Variants in NCAPH observed in about 807,000 individuals in gnomAD.
The protein encoded by NCAPH is condensin complex subunit 2.
Under a neutral mutation model 85.5 loss-of-function variants are expected in NCAPH, and 38 were observed. The ratio of observed to expected loss-of-function variants is 0.44; its 90% CI spans 0.34 to 0.58. The LOEUF is 0.58. NCAPH is among the 20% of genes least tolerant of loss of function. The pLI is 0.01. For synonymous variants in NCAPH, 301 were observed against 335.1 expected (o/e 0.90, Z 1.11); for missense variants, 789 against 916.6 (o/e 0.86, Z 1.80).
At chr2:96,348,283 G>A (rs1021476854) in intron 6 of NCAPH, among the ~76,000 whole-genome samples, 1 of 149,024 alleles carries the variant, frequency 6.7e-6, no homozygotes, top group Non-Finnish European at 1.5e-5. Context: ...TCCACCTCCC[G>A]GGTTCACGCC....
chr2:96,353,093 G>A (rs1305571517), intron 7 of NCAPH, among the ~76,000 whole-genome samples: 2 of 152,210 alleles, frequency 1.3e-5, no homozygotes, highest in African/African-American at 4.8e-5. Context: ...TCACTCCAGC[G>A]TGGGTGTGGC....
intron 10 of NCAPH, 84 bp from the exon 11 acceptor site, chr2:96,360,059 A>G: frequency 2.5e-6 from 2 of 801,960 alleles, no homozygotes; most frequent in Non-Finnish European, 2.1e-6. Flanking sequence ...ATAAGCCTTG[A>G]TAAGGCTGTC....
At chr2:96,343,725 G>A (rs540787125) in intron 5 of NCAPH, among the ~76,000 whole-genome samples, 54 of 148,852 alleles carry the variant, frequency 3.6e-4, no homozygotes, top group Non-Finnish European at 7.0e-4. Context: ...TTTTTGAAAC[G>A]AGGCTCACTT....
chr2:96,371,761 G>T (rs1205887305), intron 17 of NCAPH, among the ~76,000 whole-genome samples: 1 of 152,120 alleles, frequency 6.6e-6, no homozygotes, highest in Non-Finnish European at 1.5e-5. Context: ...TAATCTACAG[G>T]GATCTGTGAT....
At chr2:96,350,817 G>A (rs140516362) in intron 6 of NCAPH, among the ~76,000 whole-genome samples, 14 of 152,120 alleles carry the variant, frequency 9.2e-5, no homozygotes, top group African/African-American at 3.1e-4. Flanking sequence ...TAGTAGCCAC[G>A]TTCTGAGGCA....
intron 10 of NCAPH, 84 bp downstream of exon 10, chr2:96,359,277 C>T: frequency 6.6e-6 from 10 of 1,510,514 alleles, no homozygotes; most frequent in Non-Finnish European, 9.1e-6. Flanking sequence ...AAAGAAATGC[C>T]AGTCACAGCC....
At position 96,341,792 on chromosome 2, in the gene NCAPH, A is replaced by G; in HGVS notation, c.170A>G (p.Gln57Arg). The G allele has an allele frequency of 6.2e-7, 1 of 1,614,162 alleles. No individual in the cohort carries two copies. Among genetic ancestry groups the G allele is most frequent in the Non-Finnish European group, 8.5e-7 (1 of 1,180,030 alleles). ...PGTPVLEDFP[Q>R]NDDEKERLQR... ...ACCCCAGTCCTCGAAGACTTTCCTC[A>G]GAATGACGATGAGAAGGAGCGGCTG... The change falls in exon 2 of 18, where the codon CAG becomes CGG. Residue 57 changes from glutamine (Q) to arginine (R), a missense_variant. Physicochemically the swap from Gln to Arg is conservative, Grantham distance 43. Transcript: ENST00000240423.
intron 1 of NCAPH, among the ~76,000 whole-genome samples, chr2:96,338,420 A>G (rs2064245158): frequency 6.6e-6 from 1 of 152,086 alleles, no homozygotes; most frequent in South Asian, 2.1e-4. Flanking sequence ...TGTTCAGCAA[A>G]TTTTACCTTT....
At chr2:96,351,765 A>T in intron 6 of NCAPH, 66 bp from the exon 7 acceptor site, 2 of 1,406,532 alleles carry the variant, frequency 1.4e-6, no homozygotes, top group Non-Finnish European at 1.9e-6. Context: ...GGCCAAATGC[A>T]TGAGAATTTA....
chr2:96,338,262 AAG>A (rs1491259652), intron 1 of NCAPH, among the ~76,000 whole-genome samples: 9 of 150,224 alleles, frequency 6.0e-5, no homozygotes, highest in Non-Finnish European at 1.3e-4. Flanking sequence ...AAAAAAAAAA[AAG>A]CAAACAAAAA....
chr2:96,336,153 C>T (rs939600846), intron 1 of NCAPH, among the ~76,000 whole-genome samples: 9 of 152,172 alleles, frequency 5.9e-5, no homozygotes, highest in Non-Finnish European at 1.2e-4. Flanking sequence ...GCTCCTAAAG[C>T]GTGCTCGGTG....
chr2:96,363,517 A>G (rs530383181), intron 12 of NCAPH, among the ~76,000 whole-genome samples: 1 of 152,322 alleles, frequency 6.6e-6, no homozygotes, highest in South Asian at 2.1e-4. Flanking sequence ...TTTTTGAGGC[A>G]CAGAATTATA....
intron 12 of NCAPH, among the ~76,000 whole-genome samples, chr2:96,361,804 G>A (rs1453916194): frequency 2.1e-4 from 16 of 74,682 alleles, no homozygotes; most frequent in South Asian, 6.2e-4. Context: ...GTATATATAT[G>A]TGTATATATA....
At chr2:96,340,232 A>T (rs1199603473) in intron 1 of NCAPH, among the ~76,000 whole-genome samples, 1 of 151,826 alleles carries the variant, frequency 6.6e-6, no homozygotes, top group African/African-American at 2.4e-5. Context: ...CTACTCAGTT[A>T]TTTGGTGATC....
chr2:96,347,245 C>A (rs1304813469), intron 6 of NCAPH, among the ~76,000 whole-genome samples: 1 of 151,542 alleles, frequency 6.6e-6, no homozygotes, highest in African/African-American at 2.4e-5. Flanking sequence ...CAGGCTGGCA[C>A]CATGTCTCAA....
chr2:96,373,975 C>T lies in NCAPH; in HGVS notation c.*624C>T, dbSNP rs1049551262. 4 of 152,214 alleles carry T rather than the reference C, an allele frequency of 2.6e-5. No individual in the cohort carries two copies. Among genetic ancestry groups the T allele is most frequent in the African/African-American group, 9.7e-5 (4 of 41,422 alleles). 9.4% of individuals were successfully genotyped at this position (152,214 alleles called of 1,614,324 possible). A position where few individuals can be genotyped will look rare whatever the true frequency, so the allele number is the denominator to read the frequency against. On this transcript the variant is annotated 3_prime_UTR_variant, in exon 18 of 18. Coordinates refer to ENST00000240423, the MANE Select transcript of NCAPH (RefSeq NM_015341.5). ...GCCTAAGGGCCAAGATGGTTTGCCTCGGAGGAGAATGGAAGAGAGAGATTG... is the reference window on the plus strand; with the variant it reads ...GCCTAAGGGCCAAGATGGTTTGCCTTGGAGGAGAATGGAAGAGAGAGATTG...
chr2:96,359,086 T>C lies in NCAPH; in HGVS notation c.1250T>C (p.Met417Thr), dbSNP rs768444495. 9 of 1,614,096 alleles carry C rather than the reference T, an allele frequency of 5.6e-6. No individual in the cohort carries two copies. Among genetic ancestry groups the C allele is most frequent in the African/African-American group, 4.0e-5 (3 of 74,930 alleles). The change falls in exon 10 of 18, where the codon ATG becomes ACG. Residue 417 changes from methionine to threonine, a missense_variant. Transcript: ENST00000240423. ...CTTGGGGATGGAGACATCAGGACCATGTGCCCCCTTCTGTCTATGAAACCT... is the reference window on the plus strand; with the variant it reads ...CTTGGGGATGGAGACATCAGGACCACGTGCCCCCTTCTGTCTATGAAACCT... The part of the protein sequence containing the change: ...ISLGDGDIRT[M>T]CPLLSMKPGE...
chr2:96,349,438 A>G (rs997847555), intron 6 of NCAPH, among the ~76,000 whole-genome samples: 6 of 151,606 alleles, frequency 4.0e-5, no homozygotes, highest in African/African-American at 7.3e-5. Context: ...CTGGATTGCA[A>G]TGGTTCAGTC....
chr2:96,342,229 CAAT>C (rs1573064878), intron 3 of NCAPH, 89 bp downstream of exon 3: 22 of 1,180,946 alleles, frequency 1.9e-5, no homozygotes, highest in East Asian at 7.1e-5. Flanking sequence ...AATGCACAAT[CAAT>C]GATGATAATT....
Sources: gnomAD v4.1 joint callset for allele counts (sites outside exome capture counted in the v4.1 genomes callset) on GRCh38, gnomAD v4.1.1 for gene constraint, MANE v1.5 for transcripts, NCBI Gene and HGNC (gene_info 2026-07-23, HGNC 2026-07-21) for gene names.